The following LGR4 variants were observed in gnomAD, a reference collection of about 807,000 sequenced individuals.
LGR4 encodes the protein leucine-rich repeat-containing G protein-coupled receptor 4.
A neutral mutation model predicts 84.8 loss-of-function variants in LGR4; 44 were observed. That is an observed-to-expected ratio of 0.52 (90% CI 0.41 to 0.67). The LOEUF is 0.67. LGR4 is among the 30% of genes least tolerant of loss of function. The pLI is 0.00. For synonymous variants in LGR4, 429 were observed against 434.3 expected (o/e 0.99, Z 0.15); for missense variants, 1,032 against 1,131.4 (o/e 0.91, Z 1.26).
chr11:27,437,923 G>A (rs1332488190), intron 1 of LGR4, among the ~76,000 whole-genome samples: 2 of 152,014 alleles, frequency 1.3e-5, no homozygotes, highest in Non-Finnish European at 2.9e-5. Flanking sequence ...GGCTGAGATG[G>A]AAGGACAACT....
intron 10 of LGR4, chr11:27,379,186 T>C (rs114072111): frequency 0.011 from 2,149 of 189,260 alleles, 46 homozygotes; most frequent in African/African-American, 0.049. Flanking sequence ...TGTTCTCTTA[T>C]TCCCCTCCCT....
chr11:27,368,940 T>C lies in LGR4; in HGVS notation c.1783A>G (p.Thr595Ala). Residue 595 changes from threonine to alanine, a missense_variant, in exon 18 of 18, where the codon ACT becomes GCT. Transcript: ENST00000379214. ...LFMGIYTGIL[T>A]FLDAVSWGRF... ...CCCCAGGACACAGCATCAAGAAAAG[T>C]TAGGATGCCAGTATAGATTCCCATG... is the stretch of plus-strand genomic sequence containing the variant. 1 of 1,614,046 alleles carries C rather than the reference T, an allele frequency of 6.2e-7. No individual in the cohort carries two copies. The highest frequency in any genetic ancestry group is 1.1e-5 in the South Asian group (1 of 91,050).
chr11:27,470,031 G>A (rs1373189482), intron 1 of LGR4, among the ~76,000 whole-genome samples: 2 of 152,148 alleles, frequency 1.3e-5, no homozygotes, highest in Non-Finnish European at 2.9e-5. Context: ...TTTTGAGGGT[G>A]AAATGAGTAC....
chr11:27,381,048 T>C, intron 7 of LGR4, 82 bp from the exon 8 acceptor site: 1 of 708,670 alleles, frequency 1.4e-6, no homozygotes, highest in Non-Finnish European at 2.5e-6. Flanking sequence ...TGTTCAGCAT[T>C]ATATAAAATA....
chr11:27,420,871 G>A (rs1565087397), intron 1 of LGR4, among the ~76,000 whole-genome samples: 1 of 152,042 alleles, frequency 6.6e-6, no homozygotes. Flanking sequence ...AACCATCAAG[G>A]AATTAGAGAA....
intron 7 of LGR4, among the ~76,000 whole-genome samples, chr11:27,381,218 TA>T: frequency 6.6e-6 from 1 of 152,032 alleles, no homozygotes; most frequent in Non-Finnish European, 1.5e-5. Context: ...TGCTTCATCA[TA>T]AAAAAAAGCT....
intron 1 of LGR4, among the ~76,000 whole-genome samples, chr11:27,429,128 A>T (rs1199683478): frequency 6.6e-6 from 1 of 152,166 alleles, no homozygotes; most frequent in East Asian, 1.9e-4. Flanking sequence ...TCACTTAGAG[A>T]TAAAGAGGAG....
At position 27,368,172 on chromosome 11, in the gene LGR4, A is replaced by G. The variant is rs1346368133; in HGVS notation, c.2551T>C (p.Leu851=). The part of the protein sequence containing the change: ...FYYDCGMYSH[L]QGNLTVCDCC... ...TCGCAAACAGTCAGGTTGCCCTGCA[A>G]ATGTGAGTACATGCCACAGTCGTAG... Residue 851 remains leucine, a synonymous_variant, in exon 18 of 18, where the codon TTG becomes CTG. Transcript: ENST00000379214. 8.7e-6 allele frequency: 14 copies of G among 1,614,240 alleles called. No homozygotes were observed. Among genetic ancestry groups the G allele is most frequent in the Non-Finnish European group, 1.2e-5 (14 of 1,180,034 alleles).
chr11:27,373,892 T>C, intron 14 of LGR4, 83 bp downstream of exon 14: 3 of 1,130,912 alleles, frequency 2.7e-6, no homozygotes, highest in Non-Finnish European at 4.0e-6. Context: ...CAGAAAAATA[T>C]TTTGATTCGA....
intron 2 of LGR4, among the ~76,000 whole-genome samples, chr11:27,407,547 TTAAG>T (rs1350700556): frequency 1.3e-5 from 2 of 152,154 alleles, no homozygotes; most frequent in African/African-American, 4.8e-5. Flanking sequence ...TAGCACATAA[TTAAG>T]TTTTTAGCAT....
intron 1 of LGR4, among the ~76,000 whole-genome samples, chr11:27,436,292 C>T (rs772886462): frequency 1.3e-5 from 2 of 149,182 alleles, no homozygotes; most frequent in African/African-American, 2.5e-5. Flanking sequence ...TCCTGTCTCC[C>T]GAATCACTAC....
At chr11:27,421,227 T>C (rs1254480782) in intron 1 of LGR4, among the ~76,000 whole-genome samples, 1 of 152,136 alleles carries the variant, frequency 6.6e-6, no homozygotes, top group Non-Finnish European at 1.5e-5. Flanking sequence ...CCTTTCTAAA[T>C]CTATCATGAT....
intron 1 of LGR4, among the ~76,000 whole-genome samples, chr11:27,463,900 A>G (rs1386156226): frequency 6.6e-6 from 1 of 152,246 alleles, no homozygotes; most frequent in Non-Finnish European, 1.5e-5. Context: ...TTCCGCGTAC[A>G]CTTCAACTTG....
chr11:27,424,463 C>T (rs865795842), intron 1 of LGR4, among the ~76,000 whole-genome samples: 1 of 152,160 alleles, frequency 6.6e-6, no homozygotes, highest in Non-Finnish European at 1.5e-5. Context: ...GGCACCACTG[C>T]ACTCCAGCCT....
chr11:27,468,499 A>G (rs1055961695), intron 1 of LGR4, among the ~76,000 whole-genome samples: 5 of 152,188 alleles, frequency 3.3e-5, no homozygotes, highest in Non-Finnish European at 7.3e-5. Flanking sequence ...AGTAATAAAG[A>G]GGGTGGTGTG....
intron 1 of LGR4, among the ~76,000 whole-genome samples, chr11:27,453,320 G>A (rs1030474524): frequency 6.6e-6 from 1 of 152,170 alleles, no homozygotes; most frequent in Non-Finnish European, 1.5e-5. Context: ...GCCCACCTCG[G>A]CCTCCCAAAG....
At chr11:27,383,506 C>T (rs1161601006) in intron 6 of LGR4, among the ~76,000 whole-genome samples, 2 of 152,150 alleles carry the variant, frequency 1.3e-5, no homozygotes, top group South Asian at 2.1e-4. Context: ...TTTCATATAT[C>T]CATTGATGTT....
chr11:27,379,787 G>A (rs1030390641), intron 10 of LGR4, among the ~76,000 whole-genome samples: 2 of 152,120 alleles, frequency 1.3e-5, no homozygotes, highest in African/African-American at 2.4e-5. Flanking sequence ...ACAATTCTCC[G>A]ATTTCTCCAT....
rs1397399607 is a variant in LGR4, at chr11:27,391,030, T to C, written c.401+64A>G. 3.3e-6 allele frequency: 3 copies of C among 901,774 alleles called. No homozygotes were observed. In the East Asian group the frequency reaches 7.5e-5, roughly 22 times the overall value. The allele number at this position is 901,774 out of a possible 1,614,324, so 55.9% of individuals were successfully genotyped here. A position where few individuals can be genotyped will look rare whatever the true frequency, so the allele number is the denominator to read the frequency against. On this transcript the variant is annotated intron_variant, in intron 4 of 17. Coordinates refer to ENST00000379214, the MANE Select transcript of LGR4 (RefSeq NM_018490.5). ...ATCTCCTCTTTCCTTACAATTCTAG[T>C]TATTTACATCTTTAACAGCCAGAGT... is the stretch of plus-strand genomic sequence containing the variant.
Sources: allele counts gnomAD v4.1 joint callset (sites outside exome capture counted in the v4.1 genomes callset), GRCh38; gene constraint gnomAD v4.1.1; transcripts MANE v1.5; gene names NCBI Gene and HGNC (gene_info 2026-07-23, HGNC 2026-07-21).